Variants in ADK observed in about 807,000 individuals in gnomAD.
The protein encoded by ADK is N6,N6-dimethyladenosine kinase.
In ADK, 24 loss-of-function variants were observed where a neutral mutation model predicts 44.7. That is an observed-to-expected ratio of 0.54 (90% CI 0.39 to 0.76). ADK has a LOEUF of 0.76. Among genes scored for constraint, ADK ranks in the 30% least tolerant of loss-of-function variants. The pLI, the probability that ADK is intolerant of heterozygous loss-of-function variation, is 0.00. For missense variants in ADK, 321 were observed against 425.1 expected (o/e 0.76, Z 2.15); for synonymous variants, 128 against 142.6 (o/e 0.90, Z 0.73).
chr10:74,251,880 C>T lies in ADK; in HGVS notation c.194+27289C>T, dbSNP rs537404560. ...CACAGCCATTCATTACTGCTGTTTT[C>T]CTTGTGGCAGATACTTTTTTTTTTT... On this transcript the variant is annotated intron_variant, in intron 3 of 10. Transcript: ENST00000539909. Among the ~76,000 whole-genome samples the T allele has an allele frequency of 2.3e-3, 344 of 147,458 alleles. 2 individuals carry two copies. The highest frequency in any genetic ancestry group is 8.3e-3 in the African/African-American group (330 of 39,920).
intron 6 of ADK, among the ~76,000 whole-genome samples, chr10:74,433,486 CAGT>C (rs758852946): frequency 1.3e-5 from 2 of 152,118 alleles, no homozygotes; most frequent in Admixed American, 1.3e-4. Context: ...ATGCATTTCT[CAGT>C]AGCAGCAGGA....
intron 10 of ADK, among the ~76,000 whole-genome samples, chr10:74,680,735 C>T (rs1331063221): frequency 1.3e-5 from 2 of 152,172 alleles, no homozygotes; most frequent in African/African-American, 2.4e-5. Flanking sequence ...TTTAAGGCTA[C>T]TTATCAGCAA....
At chr10:74,321,277 G>C (rs981881892) in intron 4 of ADK, among the ~76,000 whole-genome samples, 1 of 151,538 alleles carries the variant, frequency 6.6e-6, no homozygotes, top group Non-Finnish European at 1.5e-5. Context: ...GAGGCTATAT[G>C]GATTTTTTTT....
At chr10:74,686,382 T>C (rs1174690982) in intron 10 of ADK, among the ~76,000 whole-genome samples, 1 of 152,162 alleles carries the variant, frequency 6.6e-6, no homozygotes, top group African/African-American at 2.4e-5. Flanking sequence ...GGTGGGGACT[T>C]TAAGAGGTGA....
chr10:74,598,439 TC>T lies in ADK; in HGVS notation c.763-1938del, dbSNP rs1480764244. 2.8e-3 allele frequency among the ~76,000 whole-genome samples: 396 copies of T among 140,846 alleles called. 55 individuals are homozygous for T. Among genetic ancestry groups the T allele is most frequent in the African/African-American group, 9.1e-3 (317 of 34,820 alleles). 92.4% of individuals were successfully genotyped at this position (140,846 alleles called of 152,430 possible). On this transcript the variant is annotated intron_variant, in intron 8 of 10. Transcript: ENST00000539909. ...GTAGAAAGCAACCATGGAATCTTAT[TC>T]CTTTTTTTTTTTTTTTTTTTTTTTT...
intron 9 of ADK, among the ~76,000 whole-genome samples, chr10:74,609,181 G>T (rs1001134307): frequency 3.9e-5 from 6 of 152,142 alleles, no homozygotes; most frequent in Admixed American, 6.5e-5. Context: ...GGCTCCGTCG[G>T]GGCAGGATCC....
rs1180989009 is a variant in ADK, at chr10:74,247,353, C to T, written c.194+22762C>T. 2.0e-5 allele frequency among the ~76,000 whole-genome samples: 3 copies of T among 150,988 alleles called. No homozygotes were observed. In the East Asian group the frequency reaches 5.8e-4, roughly 29 times the overall value. On this transcript the variant is annotated intron_variant, in intron 3 of 10. Coordinates refer to ENST00000539909, the MANE Select transcript of ADK (RefSeq NM_006721.4). ...GCCTGGGCTCAAGTGATCCTCCCACCTCAGCCTCCTGAGTACCTGGGACTA... is the reference window on the plus strand; with the variant it reads ...GCCTGGGCTCAAGTGATCCTCCCACTTCAGCCTCCTGAGTACCTGGGACTA...
chr10:74,199,610 T>G (rs1429877917), intron 1 of ADK, among the ~76,000 whole-genome samples: 1 of 152,218 alleles, frequency 6.6e-6, no homozygotes, highest in African/African-American at 2.4e-5. Context: ...CTAAGTTGAT[T>G]CCATGTCTTT....
intron 1 of ADK, among the ~76,000 whole-genome samples, chr10:74,172,898 C>A (rs1385122265): frequency 4.5e-5 from 4 of 89,282 alleles, no homozygotes; most frequent in Non-Finnish European, 7.0e-5. Context: ...GAGTGGGACT[C>A]CATGTCAAAA....
At chr10:74,450,607 G>A (rs901409569) in intron 6 of ADK, among the ~76,000 whole-genome samples, 5 of 152,072 alleles carry the variant, frequency 3.3e-5, no homozygotes, top group Non-Finnish European at 7.4e-5. Context: ...AATTGAATAA[G>A]GAACAGTAAA....
At chr10:74,280,239 A>C (rs1846874330) in intron 3 of ADK, among the ~76,000 whole-genome samples, 1 of 151,916 alleles carries the variant, frequency 6.6e-6, no homozygotes, top group Non-Finnish European at 1.5e-5. Context: ...AGTAGCTGGG[A>C]CTACAGGCAT....
rs1330811158 is a variant in ADK, at chr10:74,371,676, A to T, written c.274-22465A>T. ...TATAAGGAAAAGTGATGGCATCCACATCGTAAATCTGAAGAGGACCTGGGA... is the reference window on the plus strand; with the variant it reads ...TATAAGGAAAAGTGATGGCATCCACTTCGTAAATCTGAAGAGGACCTGGGA... On this transcript the variant is annotated intron_variant, in intron 4 of 10. Coordinates refer to ENST00000539909, the MANE Select transcript of ADK (RefSeq NM_006721.4). The T allele has an allele frequency of 2.8e-6, 3 of 1,077,178 alleles. No individual in the cohort carries two copies. In the East Asian group the frequency reaches 7.1e-5, roughly 25 times the overall value. 66.7% of individuals were successfully genotyped at this position (1,077,178 alleles called of 1,614,324 possible).
At position 74,371,793 on chromosome 10, in the gene ADK, G is replaced by T. The variant is rs1005715949; in HGVS notation, c.274-22348G>T. The T allele has an allele frequency of 3.1e-6, 4 of 1,301,094 alleles. No individual in the cohort carries two copies. The African/African-American group carries it at 5.8e-5, about 19-fold the overall frequency. The allele number at this position is 1,301,094 out of a possible 1,614,324, so 80.6% of individuals were successfully genotyped here. ...CTCCAGGAATATTGGCCAAAGGGCT[G>T]TGCTGAAGTTTGCTGCTGCCACTGG... On this transcript the variant is annotated intron_variant, in intron 4 of 10. Transcript: ENST00000539909.
At chr10:74,680,317 GA>G (rs35798713) in intron 10 of ADK, among the ~76,000 whole-genome samples, 38,737 of 137,850 alleles carry the variant, frequency 0.28, 6,595 homozygotes, top group East Asian at 0.71. Flanking sequence ...TCCATCTCAA[GA>G]AAAAAAAAAA....
chr10:74,351,691 CCTT>C (rs1247061359), intron 4 of ADK, among the ~76,000 whole-genome samples: 4 of 152,126 alleles, frequency 2.6e-5, no homozygotes, highest in Admixed American at 2.6e-4. Flanking sequence ...CCCAAAACCT[CCTT>C]AAGCTGATAA....
intron 9 of ADK, among the ~76,000 whole-genome samples, chr10:74,640,155 G>A (rs1220717057): frequency 6.6e-6 from 1 of 152,168 alleles, no homozygotes; most frequent in Non-Finnish European, 1.5e-5. Flanking sequence ...GGTGCAGTAG[G>A]CATGAGAGAA....
At chr10:74,415,730 T>C (rs1365307433) in intron 6 of ADK, among the ~76,000 whole-genome samples, 1 of 152,064 alleles carries the variant, frequency 6.6e-6, no homozygotes, top group Non-Finnish European at 1.5e-5. Context: ...CAGAAGGAAA[T>C]GTTATACCCA....
At chr10:74,270,073 TA>T (rs1469078811) in intron 3 of ADK, among the ~76,000 whole-genome samples, 1 of 152,180 alleles carries the variant, frequency 6.6e-6, no homozygotes, top group Non-Finnish European at 1.5e-5. Context: ...CGATGGTAAT[TA>T]AAAGCAGAGA....
At chr10:74,407,019 G>A (rs1297299535) in intron 6 of ADK, among the ~76,000 whole-genome samples, 2 of 144,506 alleles carry the variant, frequency 1.4e-5, no homozygotes, top group African/African-American at 2.6e-5. Context: ...TTCTCGTTCC[G>A]TCGCCCAAGC....
Sources: gnomAD v4.1 joint callset for allele counts (sites outside exome capture counted in the v4.1 genomes callset) on GRCh38, gnomAD v4.1.1 for gene constraint, MANE v1.5 for transcripts, NCBI Gene and HGNC (gene_info 2026-07-23, HGNC 2026-07-21) for gene names.